The following PLLP variants were observed in gnomAD, a reference collection of about 807,000 sequenced individuals.
PLLP encodes the protein plasma membrane proteolipid (plasmolipin).
A neutral mutation model predicts 19.7 loss-of-function variants in PLLP; 15 were observed. The ratio of observed to expected loss-of-function variants is 0.76; its 90% CI spans 0.51 to 1.17. The LOEUF is 1.17. PLLP is among the 50% of genes most tolerant of loss of function. The pLI is 0.00. For missense variants in PLLP, 255 were observed against 258.3 expected, an observed-to-expected ratio of 0.99 and a Z score of 0.09; for synonymous variants, 111 against 116.3, an observed-to-expected ratio of 0.95 and a Z score of 0.29.
intron 1 of PLLP, among the ~76,000 whole-genome samples, chr16:57,268,203 A>AAT: frequency 6.6e-6 from 1 of 152,316 alleles, no homozygotes; most frequent in East Asian, 1.9e-4. Flanking sequence ...TAACTGAGAC[A>AAT]ATATATTTCT....
At chr16:57,261,824 C>A (rs939490043) in intron 2 of PLLP, 73 bp downstream of exon 2, 3 of 1,403,036 alleles carry the variant, frequency 2.1e-6, no homozygotes, top group Non-Finnish European at 2.0e-6. Flanking sequence ...CCCCCCCACA[C>A]CCTGCCACTT....
Position 57,256,155 on chromosome 16 carries a change from G to A in PLLP, c.*758C>T, listed in dbSNP as rs2075424825. On this transcript the variant is annotated 3_prime_UTR_variant, in exon 4 of 4. Transcript: ENST00000219207. ...ATAAAACAGTCACCACCAACCACAT[G>A]ACAACTCGCCAGGCAAGGCCTTGCT... 2 of 396,974 alleles carry A rather than the reference G, an allele frequency of 5.0e-6. No individual in the cohort carries two copies. Among genetic ancestry groups the A allele is most frequent in the East Asian group, 7.1e-5 (2 of 28,036 alleles). The allele number at this position is 396,974 out of a possible 1,614,324, so 24.6% of individuals were successfully genotyped here.
intron 1 of PLLP, among the ~76,000 whole-genome samples, chr16:57,277,478 C>T (rs1020186082): frequency 6.6e-6 from 1 of 152,156 alleles, no homozygotes; most frequent in Non-Finnish European, 1.5e-5. Flanking sequence ...GTAATCCCAG[C>T]TACTTAAGAG....
At chr16:57,260,823 C>T (rs1456351235) in intron 2 of PLLP, among the ~76,000 whole-genome samples, 2 of 152,210 alleles carry the variant, frequency 1.3e-5, no homozygotes, top group Non-Finnish European at 2.9e-5. Context: ...CTCAGGGCCT[C>T]ACCTGCAGGC....
chr16:57,268,995 A>T (rs577100112), intron 1 of PLLP, among the ~76,000 whole-genome samples: 1 of 152,322 alleles, frequency 6.6e-6, no homozygotes, highest in African/African-American at 2.4e-5. Flanking sequence ...CGTCAGTGCC[A>T]GCCCCACCCA....
At chr16:57,264,182 G>A (rs1222478482) in intron 1 of PLLP, among the ~76,000 whole-genome samples, 1 of 151,462 alleles carries the variant, frequency 6.6e-6, no homozygotes, top group East Asian at 2.0e-4. Flanking sequence ...CAGAAGCCAG[G>A]GACAAGACTC....
chr16:57,256,468 C>T lies in PLLP; in HGVS notation c.*445G>A, dbSNP rs528155073. 4 of 197,198 alleles carry T rather than the reference C, an allele frequency of 2.0e-5. No homozygotes were observed. Among genetic ancestry groups the T allele is most frequent in the African/African-American group, 6.9e-5 (3 of 43,426 alleles). The allele number at this position is 197,198 out of a possible 1,614,324, so 12.2% of individuals were successfully genotyped here. On this transcript the variant is annotated 3_prime_UTR_variant, in exon 4 of 4. Coordinates refer to ENST00000219207, the MANE Select transcript of PLLP (RefSeq NM_015993.3). Reference sequence around the variant, plus strand: ...GTTTAAAGGAAGGAGAGTGGTTTCACCAGCTTGCTCAGCTCTCCTGGAACA... The same window carrying T: ...GTTTAAAGGAAGGAGAGTGGTTTCATCAGCTTGCTCAGCTCTCCTGGAACA...
rs1454638759 is a variant in PLLP, at chr16:57,258,647, C to T, written c.310-63G>A. ...GCTTAAGACACAAAGAGAGGCCAGA[C>T]ACGGTGGTTCACACCTGTAATCCCA... is the stretch of plus-strand genomic sequence containing the variant. On this transcript the variant is annotated intron_variant, in intron 2 of 3. Transcript: ENST00000219207. The T allele has an allele frequency of 3.9e-6, 6 of 1,525,958 alleles. No individual in the cohort carries two copies. The East Asian group carries it at 1.4e-4, about 34-fold the overall frequency. 94.5% of individuals were successfully genotyped at this position (1,525,958 alleles called of 1,614,324 possible).
intron 1 of PLLP, among the ~76,000 whole-genome samples, chr16:57,278,768 G>A (rs1257830592): frequency 1.3e-5 from 2 of 152,162 alleles, no homozygotes; most frequent in South Asian, 4.1e-4. Context: ...CTCAGACATT[G>A]CAATCCGAGT....
At chr16:57,280,960 A>T (rs749775489) in intron 1 of PLLP, among the ~76,000 whole-genome samples, 1 of 152,170 alleles carries the variant, frequency 6.6e-6, no homozygotes, top group African/African-American at 2.4e-5. Flanking sequence ...TCCTCCCACC[A>T]TACCAGGAAC....
intron 1 of PLLP, among the ~76,000 whole-genome samples, chr16:57,273,759 C>T (rs1310041234): frequency 6.6e-6 from 1 of 152,226 alleles, no homozygotes; most frequent in African/African-American, 2.4e-5. Context: ...ATGCCTGTCC[C>T]TGCCAGGTCA....
At chr16:57,269,568 C>A (rs11641862) in intron 1 of PLLP, among the ~76,000 whole-genome samples, 5,224 of 152,138 alleles carry the variant, frequency 0.034, 98 homozygotes, top group Non-Finnish European at 0.045. Context: ...CAGAGAGGGA[C>A]GCCACGAGGC....
intron 2 of PLLP, 100 bp from the exon 3 acceptor site, chr16:57,258,684 G>T: frequency 8.3e-7 from 1 of 1,207,962 alleles, no homozygotes; most frequent in Non-Finnish European, 1.2e-6. Context: ...CACTTTGCGG[G>T]GCTGAAGTGG....
intron 1 of PLLP, chr16:57,263,509 G>A (rs1452168399): frequency 6.6e-6 from 1 of 152,292 alleles, no homozygotes; most frequent in Non-Finnish European, 1.5e-5. Context: ...CAGCAGAAGT[G>A]TTTTTTTATT....
intron 1 of PLLP, among the ~76,000 whole-genome samples, chr16:57,273,174 G>A (rs894968298): frequency 6.6e-5 from 10 of 151,764 alleles, no homozygotes; most frequent in African/African-American, 2.4e-4. Flanking sequence ...GCAGGTGAAT[G>A]GTGTGAACTC....
intron 2 of PLLP, among the ~76,000 whole-genome samples, chr16:57,258,869 C>G (rs2075433938): frequency 8.0e-6 from 1 of 124,448 alleles, no homozygotes; most frequent in South Asian, 2.8e-4. Context: ...TGCAGTGAGT[C>G]ATGATCACAC....
intron 1 of PLLP, among the ~76,000 whole-genome samples, chr16:57,284,035 G>C (rs1209179683): frequency 2.0e-5 from 3 of 152,104 alleles, no homozygotes; most frequent in Non-Finnish European, 4.4e-5. Context: ...GAGGAGGGAA[G>C]GGAGGGCTGG....
intron 1 of PLLP, among the ~76,000 whole-genome samples, chr16:57,276,699 T>C (rs1901158976): frequency 1.3e-5 from 2 of 152,102 alleles, no homozygotes; most frequent in South Asian, 4.1e-4. Context: ...AATCACCATG[T>C]TGGGAGGCTG....
intron 1 of PLLP, among the ~76,000 whole-genome samples, chr16:57,267,874 T>C (rs1278574585): frequency 1.0e-4 from 11 of 107,474 alleles, no homozygotes; most frequent in Non-Finnish European, 1.7e-4. Context: ...AAACTCCGTC[T>C]CAAAAAAAAA....
Sources: gnomAD v4.1 joint callset for allele counts (sites outside exome capture counted in the v4.1 genomes callset) on GRCh38, gnomAD v4.1.1 for gene constraint, MANE v1.5 for transcripts, NCBI Gene and HGNC (gene_info 2026-07-23, HGNC 2026-07-21) for gene names.